RPS6KA2: variants seen among roughly 807,000 people sequenced by gnomAD.
RPS6KA2 encodes ribosomal protein S6 kinase A2.
RPS6KA2 carries 42 observed loss-of-function variants against 91.8 expected under a neutral mutation model. The ratio of observed to expected loss-of-function variants is 0.46; its 90% CI spans 0.36 to 0.59. RPS6KA2 has a LOEUF of 0.59. Ranked by LOEUF, RPS6KA2 falls within the 20% of genes least tolerant of loss-of-function variation. The pLI is 0.00. For missense variants in RPS6KA2, 798 were observed against 978.5 expected, an observed-to-expected ratio of 0.82 and a Z score of 2.46; for synonymous variants, 414 against 393.6, an observed-to-expected ratio of 1.05 and a Z score of -0.61.
At position 166,495,794 on chromosome 6, in the gene RPS6KA2, C is replaced by T. The variant is rs544288961; in HGVS notation, c.747+2714G>A. 1.3e-5 allele frequency among the ~76,000 whole-genome samples: 2 copies of T among 152,240 alleles called. No homozygotes were observed. Among genetic ancestry groups the T allele is most frequent in the African/African-American group, 2.4e-5 (1 of 41,544 alleles). On this transcript the variant is annotated intron_variant, in intron 8 of 20. Coordinates refer to ENST00000265678, the MANE Select transcript of RPS6KA2 (RefSeq NM_021135.6). This position sits in a 1 kb window ranked among gnomAD's most constrained non-coding sequence, Gnocchi z 4.4. ...CAAGCCAGGAGTGCTGAGAAGACACCGAAGCCAGAGCCACCAGCCAGAGCC... is the reference window on the plus strand; with the variant it reads ...CAAGCCAGGAGTGCTGAGAAGACACTGAAGCCAGAGCCACCAGCCAGAGCC...
At chr6:166,623,307 C>A (rs953504107) in intron 1 of RPS6KA2, among the ~76,000 whole-genome samples, 8 of 152,196 alleles carry the variant, frequency 5.3e-5, no homozygotes, top group African/African-American at 1.9e-4. Context: ...GGAAGAAATA[C>A]AAACTAAGCT....
intron 16 of RPS6KA2, among the ~76,000 whole-genome samples, chr6:166,427,206 G>T (rs1778956325): frequency 6.6e-6 from 1 of 150,436 alleles, no homozygotes; most frequent in African/African-American, 2.4e-5. Context: ...AAAACCACAT[G>T]ATTATCTCAA....
chr6:166,471,906 C>T (rs1036982563), intron 10 of RPS6KA2, among the ~76,000 whole-genome samples: 1 of 152,242 alleles, frequency 6.6e-6, no homozygotes, highest in African/African-American at 2.4e-5. Context: ...TGATCCCAGG[C>T]CTTTGCAATC....
chr6:166,794,408 G>A (rs976665527), intron 2 of RPS6KA2, among the ~76,000 whole-genome samples: 3 of 152,180 alleles, frequency 2.0e-5, no homozygotes, highest in African/African-American at 7.2e-5. Flanking sequence ...CTGTTGGTGA[G>A]ACTGTAAACT....
intron 2 of RPS6KA2, among the ~76,000 whole-genome samples, chr6:166,722,616 T>G (rs1790210786): frequency 6.6e-6 from 1 of 152,200 alleles, no homozygotes; most frequent in Non-Finnish European, 1.5e-5. Flanking sequence ...AGCCTATCCC[T>G]GGAGTTCTGT....
At position 166,726,613 on chromosome 6, in the gene RPS6KA2, G is replaced by A. The variant is rs989487452; in HGVS notation, c.123+131587C>T. On this transcript the variant is annotated intron_variant, in intron 2 of 21. Coordinates refer to the RPS6KA2 transcript ENST00000503859. This position sits in a 1 kb window ranked among gnomAD's most constrained non-coding sequence, Gnocchi z 4.4. ...ACCAACTGATCCAAAATATATAACC[G>A]TGATCACCTTAAATCACATAAACAT... Among the ~76,000 whole-genome samples, 1 of 152,180 alleles carries A rather than the reference G, an allele frequency of 6.6e-6. No individual in the cohort carries two copies. Among genetic ancestry groups the A allele is most frequent in the African/African-American group, 2.4e-5 (1 of 41,434 alleles).
intron 1 of RPS6KA2, among the ~76,000 whole-genome samples, chr6:166,589,409 A>G (rs899456072): frequency 4.6e-5 from 7 of 152,252 alleles, no homozygotes; most frequent in African/African-American, 1.4e-4. Context: ...TTACATATCC[A>G]CACTGGAATT....
intron 2 of RPS6KA2, among the ~76,000 whole-genome samples, chr6:166,779,472 T>C (rs1036613603): frequency 2.0e-5 from 3 of 151,988 alleles, no homozygotes; most frequent in African/African-American, 7.3e-5. Flanking sequence ...GACTGAGACA[T>C]TGGAGGAGGG....
chr6:166,750,212 T>C (rs1583077589), intron 2 of RPS6KA2, among the ~76,000 whole-genome samples: 1 of 152,172 alleles, frequency 6.6e-6, no homozygotes, highest in East Asian at 1.9e-4. Context: ...AGGATTAGCG[T>C]GCCCTGCAGT....
intron 2 of RPS6KA2, among the ~76,000 whole-genome samples, chr6:166,773,288 A>G (rs62438721): frequency 0.073 from 11,150 of 152,214 alleles, 563 homozygotes; most frequent in Non-Finnish European, 0.11. Context: ...AGGAAAGCCC[A>G]GTGTGCCCTA....
At chr6:166,485,936 G>C (rs1196555048) in intron 10 of RPS6KA2, among the ~76,000 whole-genome samples, 1 of 152,172 alleles carries the variant, frequency 6.6e-6, no homozygotes, top group African/African-American at 2.4e-5. Flanking sequence ...TAGGGACTCT[G>C]GGCACTAAGG....
At chr6:166,499,234 C>T (rs751060787) in intron 7 of RPS6KA2, among the ~76,000 whole-genome samples, 45 of 152,170 alleles carry the variant, frequency 3.0e-4, no homozygotes, top group Non-Finnish European at 4.7e-4. Flanking sequence ...GGAAGTGGCC[C>T]CGGGGCTGGA....
At chr6:166,558,677 G>C (rs1784248085) in intron 1 of RPS6KA2, among the ~76,000 whole-genome samples, 1 of 152,148 alleles carries the variant, frequency 6.6e-6, no homozygotes, top group Non-Finnish European at 1.5e-5. Context: ...CACTGTTGGT[G>C]GCCCCATGCT....
At chr6:166,779,727 C>T (rs933543982) in intron 2 of RPS6KA2, among the ~76,000 whole-genome samples, 6 of 152,150 alleles carry the variant, frequency 3.9e-5, no homozygotes, top group African/African-American at 1.4e-4. Flanking sequence ...ACTCATCCTC[C>T]TCTCACCCCA....
chr6:166,824,062 G>A (rs938377132), intron 2 of RPS6KA2, among the ~76,000 whole-genome samples: 1 of 152,188 alleles, frequency 6.6e-6, no homozygotes, highest in Non-Finnish European at 1.5e-5. Flanking sequence ...TTGTGTATGT[G>A]TGTGTGTGAT....
intron 2 of RPS6KA2, among the ~76,000 whole-genome samples, chr6:166,689,617 C>G (rs1259472072): frequency 1.3e-5 from 2 of 152,188 alleles, no homozygotes; most frequent in Non-Finnish European, 2.9e-5. Context: ...TGATACCCCC[C>G]AGGCAGGCCA....
intron 1 of RPS6KA2, among the ~76,000 whole-genome samples, chr6:166,540,636 T>C (rs76572288): frequency 1.3e-5 from 2 of 152,326 alleles, no homozygotes; most frequent in East Asian, 3.9e-4. Flanking sequence ...TATATTTAGA[T>C]GCTAATTTGT....
At chr6:166,609,436 C>T (rs1583322968) in intron 1 of RPS6KA2, among the ~76,000 whole-genome samples, 1 of 151,676 alleles carries the variant, frequency 6.6e-6, no homozygotes, top group Non-Finnish European at 1.5e-5. Flanking sequence ...TGGTGTATTG[C>T]AAAGTTTGGT....
chr6:166,731,457 G>A (rs909067442), intron 2 of RPS6KA2, among the ~76,000 whole-genome samples: 1 of 150,974 alleles, frequency 6.6e-6, no homozygotes, highest in Non-Finnish European at 1.5e-5. Context: ...GGAGGGGCGT[G>A]GTGGGGGCGG....
Sources: allele counts gnomAD v4.1 joint callset (sites outside exome capture counted in the v4.1 genomes callset), GRCh38; gene constraint gnomAD v4.1.1; non-coding constraint Gnocchi (gnomAD v3.1); transcripts MANE v1.5; gene names NCBI Gene and HGNC (gene_info 2026-07-23, HGNC 2026-07-21).